The following CDH12 variants were observed in gnomAD, a reference collection of about 807,000 sequenced individuals.
The protein encoded by CDH12 is cadherin 12, also known as cadherin-12.
A neutral mutation model predicts 74.1 loss-of-function variants in CDH12; 41 were observed. That is an observed-to-expected ratio of 0.55 (90% CI 0.43 to 0.72). The LOEUF (loss-of-function observed/expected upper bound fraction) is 0.72, where lower values mean the gene tolerates loss of function less well. Among genes scored for constraint, CDH12 ranks in the 30% least tolerant of loss-of-function variants. The pLI, the probability that CDH12 is intolerant of heterozygous loss-of-function variation, is 0.00. For synonymous variants in CDH12, 399 were observed against 355.0 expected (o/e 1.12, Z -1.39); for missense variants, 945 against 977.2 (o/e 0.97, Z 0.44).
At chr5:22,425,064 A>T (rs1459240463) in intron 2 of CDH12, among the ~76,000 whole-genome samples, 1 of 65,774 alleles carries the variant, frequency 1.5e-5, no homozygotes, top group Non-Finnish European at 3.5e-5. Context: ...TTTTACATTT[A>T]TATATATATA....
At chr5:22,039,014 C>T (rs1739383986) in intron 5 of CDH12, among the ~76,000 whole-genome samples, 1 of 152,160 alleles carries the variant, frequency 6.6e-6, no homozygotes, top group South Asian at 2.1e-4. Flanking sequence ...CTCCTCCTGT[C>T]CCCCTGCCAC....
chr5:22,442,465 C>T lies in CDH12; in HGVS notation c.-427-37114G>A, dbSNP rs547637709. 4.1e-4 allele frequency among the ~76,000 whole-genome samples: 62 copies of T among 152,196 alleles called. No individual in the cohort carries two copies. The South Asian group carries it at 0.013, about 31-fold the overall frequency. The stretch of plus-strand genomic sequence containing the variant: ...GAATAGTCTGAACAACACAGTGAGG[C>T]CCCGTCTCATTTCCATGCTATGTTT... On this transcript the variant is annotated intron_variant, in intron 2 of 14. Coordinates refer to ENST00000382254, the MANE Select transcript of CDH12 (RefSeq NM_004061.5).
chr5:22,521,378 A>G (rs910545339), intron 1 of CDH12, among the ~76,000 whole-genome samples: 22 of 152,178 alleles, frequency 1.4e-4, no homozygotes, highest in African/African-American at 5.3e-4. Flanking sequence ...TTTGAATGTG[A>G]TAAGTAAAAG....
At chr5:21,959,388 T>A (rs1184204730) in intron 6 of CDH12, among the ~76,000 whole-genome samples, 2 of 152,080 alleles carry the variant, frequency 1.3e-5, no homozygotes, top group African/African-American at 4.8e-5. Flanking sequence ...TAACCTTGAA[T>A]GTAAGTGGGC....
At chr5:22,271,367 G>A (rs1173441979) in intron 3 of CDH12, among the ~76,000 whole-genome samples, 1 of 152,030 alleles carries the variant, frequency 6.6e-6, no homozygotes, top group Non-Finnish European at 1.5e-5. Context: ...TCTAATGTTG[G>A]CTCTCTTGCA....
intron 2 of CDH12, among the ~76,000 whole-genome samples, chr5:22,485,033 G>T (rs1284946459): frequency 2.0e-5 from 3 of 152,048 alleles, no homozygotes; most frequent in African/African-American, 7.2e-5. Flanking sequence ...GTATAATGCA[G>T]TTTTTTGTAA....
chr5:22,216,971 GTGA>G (rs1367706068), intron 3 of CDH12, among the ~76,000 whole-genome samples: 1 of 151,716 alleles, frequency 6.6e-6, no homozygotes, highest in Non-Finnish European at 1.5e-5. Flanking sequence ...CTAATAATTT[GTGA>G]TGTTCTTTCT....
intron 3 of CDH12, among the ~76,000 whole-genome samples, chr5:22,379,025 T>C (rs1741651654): frequency 6.6e-6 from 1 of 152,128 alleles, no homozygotes; most frequent in Admixed American, 6.6e-5. Context: ...CTAAAACAAC[T>C]ACTTAACATT....
chr5:22,530,966 T>C (rs896716813), intron 1 of CDH12, among the ~76,000 whole-genome samples: 1 of 152,144 alleles, frequency 6.6e-6, no homozygotes, highest in African/African-American at 2.4e-5. Flanking sequence ...TCTTAAAAAT[T>C]ATATTCTTCA....
intron 1 of CDH12, among the ~76,000 whole-genome samples, chr5:22,742,463 C>A (rs1745076973): frequency 6.6e-6 from 1 of 152,008 alleles, no homozygotes; most frequent in African/African-American, 2.4e-5. Context: ...TGGACCTAAT[C>A]TTTAGAAAGC....
chr5:22,343,327 G>GACACACAC (rs1217219418), intron 3 of CDH12, among the ~76,000 whole-genome samples: 16 of 112,598 alleles, frequency 1.4e-4, no homozygotes, highest in African/African-American at 5.0e-4. Context: ...CACACACAGA[G>GACACACAC]AGAGAGAGAG....
chr5:21,948,003 A>G (rs1025859565), intron 6 of CDH12, among the ~76,000 whole-genome samples: 10 of 152,192 alleles, frequency 6.6e-5, no homozygotes, highest in African/African-American at 1.9e-4. Context: ...GTTGGGCCTG[A>G]GGGTACACAG....
intron 3 of CDH12, among the ~76,000 whole-genome samples, chr5:22,347,626 T>A (rs1034661619): frequency 6.6e-6 from 1 of 152,220 alleles, no homozygotes; most frequent in Non-Finnish European, 1.5e-5. Flanking sequence ...TATACATCTA[T>A]CCTTTAAGTT....
intron 1 of CDH12, among the ~76,000 whole-genome samples, chr5:22,654,661 G>A (rs1007379272): frequency 7.4e-5 from 11 of 149,568 alleles, no homozygotes; most frequent in African/African-American, 2.7e-4. Context: ...TTTTGAGACA[G>A]TTTCGCTCTT....
intron 3 of CDH12, among the ~76,000 whole-genome samples, chr5:22,315,119 C>CTTTTTTTTTGTTTTT (rs1738570945): frequency 4.3e-5 from 1 of 22,994 alleles, no homozygotes; most frequent in Non-Finnish European, 6.9e-5. Flanking sequence ...GCCTGCCTGG[C>CTTTTTTTTTGTTTTT]TTTTTTTTTT....
At chr5:22,406,083 G>A (rs1235759130) in intron 2 of CDH12, among the ~76,000 whole-genome samples, 1 of 152,064 alleles carries the variant, frequency 6.6e-6, no homozygotes, top group African/African-American at 2.4e-5. Context: ...TTCAATACTG[G>A]TTGAATCCAT....
intron 3 of CDH12, among the ~76,000 whole-genome samples, chr5:22,342,889 C>T (rs1177212375): frequency 1.3e-5 from 2 of 151,428 alleles, no homozygotes. Flanking sequence ...CACTCTGTTG[C>T]CCAGGCTGGA....
chr5:22,167,102 G>A (rs1261957973), intron 4 of CDH12, among the ~76,000 whole-genome samples: 1 of 152,094 alleles, frequency 6.6e-6, no homozygotes, highest in East Asian at 1.9e-4. Flanking sequence ...CCTTTGACAG[G>A]CATGAAACAT....
intron 5 of CDH12, among the ~76,000 whole-genome samples, chr5:22,077,212 C>A (rs1315370422): frequency 2.0e-5 from 3 of 151,902 alleles, no homozygotes; most frequent in African/African-American, 7.3e-5. Flanking sequence ...ACCACATATG[C>A]CTTAGTGGAA....
Sources: allele counts gnomAD v4.1 joint callset (sites outside exome capture counted in the v4.1 genomes callset), GRCh38; gene constraint gnomAD v4.1.1; transcripts MANE v1.5; gene names NCBI Gene and HGNC (gene_info 2026-07-23, HGNC 2026-07-21).